The following TMEM132C variants were observed in gnomAD, a reference collection of about 807,000 sequenced individuals.
The protein encoded by TMEM132C is protein phosphatase 1, regulatory subunit 152.
TMEM132C carries 29 observed loss-of-function variants against 61.4 expected under a neutral mutation model. The observed-to-expected ratio is 0.47, with a 90% CI of 0.35 to 0.64. The LOEUF (loss-of-function observed/expected upper bound fraction) is 0.64. TMEM132C is among the 30% of genes least tolerant of loss of function. TMEM132C has a pLI of 0.00. For synonymous variants in TMEM132C, 656 were observed against 633.1 expected (o/e 1.04, Z -0.54); for missense variants, 1,408 against 1,476.9 (o/e 0.95, Z 0.76).
At chr12:128,627,876 T>C (rs2135592073) in intron 4 of TMEM132C, among the ~76,000 whole-genome samples, 1 of 152,170 alleles carries the variant, frequency 6.6e-6, no homozygotes, top group East Asian at 1.9e-4. Context: ...GTGAAACTGC[T>C]GGACAGCTCA....
chr12:128,315,192 T>C (rs115858326), intron 1 of TMEM132C, among the ~76,000 whole-genome samples: 3,779 of 152,158 alleles, frequency 0.025, 160 homozygotes, highest in African/African-American at 0.086. Flanking sequence ...CAGACAGGCA[T>C]GTGAAAGTCC....
chr12:128,505,154 A>T (rs369108415), intron 2 of TMEM132C, among the ~76,000 whole-genome samples: 2 of 152,168 alleles, frequency 1.3e-5, no homozygotes, highest in East Asian at 3.9e-4. Flanking sequence ...GTCAGGGCTC[A>T]TTGGGAAGGA....
At chr12:128,281,380 G>T (rs541123071) in intron 1 of TMEM132C, among the ~76,000 whole-genome samples, 12 of 152,268 alleles carry the variant, frequency 7.9e-5, no homozygotes, top group Admixed American at 5.9e-4. Flanking sequence ...AGGCTTGGTG[G>T]TTATACTGGC....
chr12:128,503,060 A>G (rs909801317), intron 2 of TMEM132C, among the ~76,000 whole-genome samples: 1 of 152,202 alleles, frequency 6.6e-6, no homozygotes. Flanking sequence ...CTCATTATTC[A>G]GGTTCTCAGA....
chr12:128,342,470 A>G (rs1873007331), intron 1 of TMEM132C, among the ~76,000 whole-genome samples: 1 of 152,208 alleles, frequency 6.6e-6, no homozygotes, highest in East Asian at 1.9e-4. Flanking sequence ...AAATCTTCCA[A>G]ACCTGTTTGA....
At chr12:128,631,712 A>G (rs890942076) in intron 4 of TMEM132C, among the ~76,000 whole-genome samples, 2 of 152,134 alleles carry the variant, frequency 1.3e-5, no homozygotes, top group Middle Eastern at 3.2e-3. Flanking sequence ...TTTTTAGCCT[A>G]GCCATTTGTC....
chr12:128,425,291 C>A (rs188248030), intron 2 of TMEM132C, among the ~76,000 whole-genome samples: 2 of 152,350 alleles, frequency 1.3e-5, no homozygotes, highest in African/African-American at 4.8e-5. Context: ...TGCCCCTTGG[C>A]GCTCATCTGG....
At chr12:128,699,258 T>G (rs1462858640) in intron 8 of TMEM132C, among the ~76,000 whole-genome samples, 2 of 152,166 alleles carry the variant, frequency 1.3e-5, no homozygotes, top group Non-Finnish European at 2.9e-5. Context: ...ACTTAGTAGC[T>G]GAAAATGGCA....
intron 2 of TMEM132C, among the ~76,000 whole-genome samples, chr12:128,524,294 G>A (rs1470039058): frequency 6.6e-6 from 1 of 152,176 alleles, no homozygotes; most frequent in Admixed American, 6.5e-5. Context: ...ATGGCATTGG[G>A]AGTGTGCATT....
At chr12:128,574,009 A>T (rs1874999981) in intron 3 of TMEM132C, among the ~76,000 whole-genome samples, 1 of 152,080 alleles carries the variant, frequency 6.6e-6, no homozygotes, top group Admixed American at 6.5e-5. Flanking sequence ...TTATTGGAAA[A>T]ACAGAATACA....
At chr12:128,672,082 T>A (rs967981216) in intron 5 of TMEM132C, among the ~76,000 whole-genome samples, 1 of 152,200 alleles carries the variant, frequency 6.6e-6, no homozygotes, top group Non-Finnish European at 1.5e-5. Flanking sequence ...ATTAAAACTT[T>A]ACCATTTCTA....
Position 128,278,657 on chromosome 12 carries a change from G to A in TMEM132C, c.85+11170G>A, listed in dbSNP as rs1027243626. Among the ~76,000 whole-genome samples, 5 of 152,076 alleles carry A rather than the reference G, an allele frequency of 3.3e-5. No individual in the cohort carries two copies. The highest frequency in any genetic ancestry group is 1.2e-4 in the African/African-American group (5 of 41,408). On this transcript the variant is annotated intron_variant, in intron 1 of 8. Transcript: ENST00000435159. The surrounding 1 kb of genome is among the most constrained non-coding windows in gnomAD (Gnocchi z 4.2). ...AAACATCAGCTTTTTACTAAACCCC[G>A]GTGGTCAGGGTGTCCATGATGACTA...
chr12:128,604,226 T>A (rs1876315587), intron 3 of TMEM132C, among the ~76,000 whole-genome samples: 1 of 152,102 alleles, frequency 6.6e-6, no homozygotes, highest in Admixed American at 6.5e-5. Flanking sequence ...GGTTGATTGA[T>A]GAATAGATTG....
intron 5 of TMEM132C, among the ~76,000 whole-genome samples, chr12:128,674,928 A>G (rs1288637898): frequency 6.6e-6 from 1 of 150,774 alleles, no homozygotes; most frequent in Non-Finnish European, 1.5e-5. Context: ...GATTTATCAC[A>G]GTTGCCTTAT....
In TMEM132C at chr12:128,699,720, T is replaced by C. The variant is rs367975921; in HGVS notation, c.2121+2305T>C. 5.3e-5 allele frequency among the ~76,000 whole-genome samples: 8 copies of C among 152,332 alleles called. No individual in the cohort carries two copies. In the South Asian group the frequency reaches 1.0e-3, roughly 20 times the overall value. On this transcript the variant is annotated intron_variant, in intron 8 of 8. Coordinates refer to ENST00000435159, the MANE Select transcript of TMEM132C (RefSeq NM_001136103.3). ...ACCTGTGCCATGTAACAATATAACA[T>C]AATCATGACAGCAGTCACTCATCCC...
intron 4 of TMEM132C, among the ~76,000 whole-genome samples, chr12:128,618,488 G>A (rs1213597614): frequency 6.6e-6 from 1 of 152,152 alleles, no homozygotes; most frequent in Non-Finnish European, 1.5e-5. Flanking sequence ...ACTGGATTTG[G>A]GTGCTCGTGC....
At chr12:128,545,089 C>G (rs987404153) in intron 3 of TMEM132C, among the ~76,000 whole-genome samples, 1 of 152,138 alleles carries the variant, frequency 6.6e-6, no homozygotes, top group Non-Finnish European at 1.5e-5. Context: ...AACAGAGCAC[C>G]GAATAGGTCG....
rs995230274 is a variant in TMEM132C at position 128,326,653 on chromosome 12, C to G, written c.85+59166C>G. On this transcript the variant is annotated intron_variant, in intron 1 of 8. Coordinates refer to ENST00000435159, the MANE Select transcript of TMEM132C (RefSeq NM_001136103.3). The surrounding 1 kb of genome is among the most constrained non-coding windows in gnomAD (Gnocchi z 5.6). ...CAGCGTGGGTAATTAGACTGTCACT[C>G]TCGAGGAAGGGAACACTGAAGCAGG... Among the ~76,000 whole-genome samples, 2 of 152,154 alleles carry G rather than the reference C, an allele frequency of 1.3e-5. No individual in the cohort carries two copies. Among genetic ancestry groups the G allele is most frequent in the African/African-American group, 4.8e-5 (2 of 41,442 alleles).
intron 2 of TMEM132C, among the ~76,000 whole-genome samples, chr12:128,520,677 G>C (rs1872877755): frequency 6.6e-6 from 1 of 152,194 alleles, no homozygotes; most frequent in South Asian, 2.1e-4. Flanking sequence ...ACATTCCCCA[G>C]TTGTGATTGT....
Sources: gnomAD v4.1 joint callset for allele counts (sites outside exome capture counted in the v4.1 genomes callset) on GRCh38, gnomAD v4.1.1 for gene constraint, Gnocchi (gnomAD v3.1) non-coding constraint, MANE v1.5 for transcripts, NCBI Gene and HGNC (gene_info 2026-07-23, HGNC 2026-07-21) for gene names.